The following LRP1B variants were observed in gnomAD, a reference collection of about 807,000 sequenced individuals.
LRP1B encodes low-density lipoprotein receptor-related protein 1B.
In LRP1B, 217 loss-of-function variants were observed where a neutral mutation model predicts 556.6. That is an observed-to-expected ratio of 0.39 (90% CI 0.35 to 0.44). LRP1B has a LOEUF of 0.44. LRP1B is among the 20% of genes least tolerant of loss of function. The pLI is 1.00. For missense variants in LRP1B, 5,053 were observed against 5,620.8 expected (o/e 0.90, Z 3.23); for synonymous variants, 2,047 against 1,865.8 (o/e 1.10, Z -2.50).
intron 2 of LRP1B, among the ~76,000 whole-genome samples, chr2:141,643,266 GTA>G (rs1183199841): frequency 5.5e-4 from 84 of 152,192 alleles, no homozygotes; most frequent in African/African-American, 2.0e-3. Flanking sequence ...AATAATTAAG[GTA>G]ACAGAAGCAC....
chr2:141,910,932 A>G (rs1390157952), intron 1 of LRP1B, among the ~76,000 whole-genome samples: 1 of 152,082 alleles, frequency 6.6e-6, no homozygotes, highest in African/African-American at 2.4e-5. Context: ...TTTAGATTTT[A>G]TTCAAACAGG....
chr2:141,365,291 A>G (rs1559031539), intron 3 of LRP1B, among the ~76,000 whole-genome samples: 2 of 152,080 alleles, frequency 1.3e-5, no homozygotes, highest in Non-Finnish European at 2.9e-5. Context: ...TTGTATTCCA[A>G]GCCTCAAGTG....
At chr2:141,635,775 G>T (rs1689091070) in intron 2 of LRP1B, among the ~76,000 whole-genome samples, 2 of 152,190 alleles carry the variant, frequency 1.3e-5, no homozygotes, top group South Asian at 4.1e-4. Flanking sequence ...AAATAAGTTA[G>T]TGAAGATAAA....
At chr2:140,537,986 C>T (rs147028335) in intron 45 of LRP1B, among the ~76,000 whole-genome samples, 79 of 152,050 alleles carry the variant, frequency 5.2e-4, no homozygotes, top group African/African-American at 1.4e-3. Context: ...AATAATTGTA[C>T]GTTTAAATCC....
At chr2:140,448,418 T>C (rs1245675580) in intron 63 of LRP1B, among the ~76,000 whole-genome samples, 1 of 152,086 alleles carries the variant, frequency 6.6e-6, no homozygotes, top group Non-Finnish European at 1.5e-5. Context: ...GGGAATAATA[T>C]TCAATATTTT....
intron 3 of LRP1B, among the ~76,000 whole-genome samples, chr2:141,471,268 A>AT (rs1553518974): frequency 0.049 from 1,565 of 31,806 alleles, 89 homozygotes; most frequent in African/African-American, 0.11. Flanking sequence ...ATACCCTGGT[A>AT]TTTTTTTTTT....
chr2:141,375,743 C>T (rs926373883), intron 3 of LRP1B, among the ~76,000 whole-genome samples: 1 of 152,124 alleles, frequency 6.6e-6, no homozygotes, highest in Admixed American at 6.5e-5. Flanking sequence ...GGGCCCCTTC[C>T]AGGCAAACAG....
At chr2:140,436,904 G>A (rs1686208633) in intron 66 of LRP1B, among the ~76,000 whole-genome samples, 1 of 152,086 alleles carries the variant, frequency 6.6e-6, no homozygotes, top group Non-Finnish European at 1.5e-5. Flanking sequence ...AATACTGGAT[G>A]CACACAACAT....
At chr2:141,184,009 T>C (rs928092903) in intron 7 of LRP1B, among the ~76,000 whole-genome samples, 3 of 152,006 alleles carry the variant, frequency 2.0e-5, no homozygotes, top group South Asian at 4.1e-4. Context: ...TTTACTTTAA[T>C]AGAAAACTGA....
At chr2:141,599,641 G>A (rs936926274) in intron 2 of LRP1B, among the ~76,000 whole-genome samples, 3 of 152,034 alleles carry the variant, frequency 2.0e-5, no homozygotes, top group African/African-American at 7.2e-5. Flanking sequence ...AGAGAAAAAT[G>A]TAACAATGAT....
intron 6 of LRP1B, among the ~76,000 whole-genome samples, chr2:141,199,842 C>A (rs912518055): frequency 6.6e-6 from 1 of 152,104 alleles, no homozygotes; most frequent in Non-Finnish European, 1.5e-5. Flanking sequence ...TCACTGACCA[C>A]TGGAGAAATG....
intron 86 of LRP1B, among the ~76,000 whole-genome samples, chr2:140,252,099 CAAAAAA>C (rs768188298): frequency 1.5e-4 from 8 of 53,766 alleles, no homozygotes; most frequent in African/African-American, 6.1e-4. Context: ...ACCCAAAAAA[CAAAAAA>C]AAACAGAAAA....
At chr2:141,178,557 T>C (rs1680842668) in intron 7 of LRP1B, among the ~76,000 whole-genome samples, 1 of 152,142 alleles carries the variant, frequency 6.6e-6, no homozygotes, top group African/African-American at 2.4e-5. Context: ...GACCTAAATG[T>C]AGCATATCCT....
At chr2:140,497,908 T>C (rs955830768) in intron 55 of LRP1B, among the ~76,000 whole-genome samples, 2 of 151,932 alleles carry the variant, frequency 1.3e-5, no homozygotes, top group Non-Finnish European at 2.9e-5. Flanking sequence ...GTTTAAGATT[T>C]ACAGTAAATT....
At chr2:141,813,312 G>A (rs761173408) in intron 1 of LRP1B, among the ~76,000 whole-genome samples, 3 of 152,074 alleles carry the variant, frequency 2.0e-5, no homozygotes, top group African/African-American at 4.8e-5. Flanking sequence ...GGGGACTGAC[G>A]GTTAGAGTAT....
chr2:141,539,613 G>A (rs1211548890), intron 2 of LRP1B, among the ~76,000 whole-genome samples: 1 of 152,086 alleles, frequency 6.6e-6, no homozygotes, highest in Non-Finnish European at 1.5e-5. Flanking sequence ...GTTGATGGTT[G>A]CAGGATTAGA....
chr2:141,041,986 G>A (rs1238875709), intron 11 of LRP1B, among the ~76,000 whole-genome samples: 1 of 152,022 alleles, frequency 6.6e-6, no homozygotes, highest in African/African-American at 2.4e-5. Context: ...AGGTTCTGGG[G>A]ATGAGGACCT....
intron 1 of LRP1B, among the ~76,000 whole-genome samples, chr2:141,941,736 T>G (rs1700809694): frequency 6.6e-6 from 1 of 152,182 alleles, no homozygotes; most frequent in Non-Finnish European, 1.5e-5. Flanking sequence ...ATGATTCTGG[T>G]TTTTATTTCA....
chr2:141,401,882 A>T (rs1257136613), intron 3 of LRP1B, among the ~76,000 whole-genome samples: 1 of 152,184 alleles, frequency 6.6e-6, no homozygotes, highest in Non-Finnish European at 1.5e-5. Context: ...TCTAGATCCT[A>T]TAGTGAGCTC....
Sources: allele counts gnomAD v4.1 joint callset (sites outside exome capture counted in the v4.1 genomes callset), GRCh38; gene constraint gnomAD v4.1.1; transcripts MANE v1.5; gene names NCBI Gene and HGNC (gene_info 2026-07-23, HGNC 2026-07-21).